The following ATP1B3 variants were observed in gnomAD, a reference collection of about 807,000 sequenced individuals.
ATP1B3 encodes the protein sodium/potassium-transporting ATPase subunit beta-3.
Under a neutral mutation model 30.2 loss-of-function variants are expected in ATP1B3, and 10 were observed. The ratio of observed to expected loss-of-function variants is 0.33; its 90% confidence interval spans 0.20 to 0.56. The LOEUF (loss-of-function observed/expected upper bound fraction) is 0.56, where lower values mean the gene tolerates loss of function less well. Ranked by LOEUF, ATP1B3 falls within the 20% of genes least tolerant of loss-of-function variation. The pLI, the probability that ATP1B3 is intolerant of heterozygous loss-of-function variation, is 0.90. For synonymous variants in ATP1B3, 113 were observed against 117.0 expected (o/e 0.97, Z 0.22); for missense variants, 238 against 336.7 (o/e 0.71, Z 2.29).
intron 5 of ATP1B3, among the ~76,000 whole-genome samples, chr3:141,920,743 T>C (rs1934551112): frequency 6.6e-6 from 1 of 152,200 alleles, no homozygotes; most frequent in Non-Finnish European, 1.5e-5. Flanking sequence ...TTTAAGCTTA[T>C]TTTTTAAGTT....
At chr3:141,891,213 T>C (rs1248050200) in intron 1 of ATP1B3, among the ~76,000 whole-genome samples, 9 of 152,218 alleles carry the variant, frequency 5.9e-5, no homozygotes, top group Admixed American at 5.9e-4. Flanking sequence ...CTGTGTATCA[T>C]CACACTATAT....
At chr3:141,878,223 T>G (rs1027934835) in intron 1 of ATP1B3, among the ~76,000 whole-genome samples, 3 of 152,234 alleles carry the variant, frequency 2.0e-5, no homozygotes, top group African/African-American at 7.2e-5. Flanking sequence ...CAGTTCTCCT[T>G]TAATCCTAGT....
chr3:141,916,140 C>A, intron 5 of ATP1B3, 120 bp downstream of exon 5: 2 of 785,730 alleles, frequency 2.5e-6, no homozygotes, highest in Non-Finnish European at 4.0e-6. Context: ...CTTTGTAGTG[C>A]CTTAGAATAA....
intron 5 of ATP1B3, chr3:141,916,468 C>T: frequency 1.1e-6 from 1 of 904,282 alleles, no homozygotes; most frequent in South Asian, 1.4e-5. Context: ...CTCCCCTATC[C>T]CTACTTACTT....
intron 3 of ATP1B3, 24 bp from the exon 4 acceptor site, chr3:141,913,628 C>T: frequency 1.3e-6 from 2 of 1,584,240 alleles, no homozygotes; most frequent in Non-Finnish European, 1.7e-6. Flanking sequence ...GCTGATCTAG[C>T]ACACATATAT....
chr3:141,893,200 G>C (rs1285798331), intron 1 of ATP1B3, among the ~76,000 whole-genome samples: 1 of 151,940 alleles, frequency 6.6e-6, no homozygotes, highest in Non-Finnish European at 1.5e-5. Flanking sequence ...GTAGAGACGG[G>C]GTTTCACCAT....
chr3:141,902,587 A>G (rs1473464698), intron 1 of ATP1B3, among the ~76,000 whole-genome samples: 1 of 152,254 alleles, frequency 6.6e-6, no homozygotes, highest in African/African-American at 2.4e-5. Context: ...TGAGAAAAAT[A>G]ATTGATTTTA....
chr3:141,904,825 T>C (rs1231739579), intron 2 of ATP1B3, among the ~76,000 whole-genome samples: 1 of 147,718 alleles, frequency 6.8e-6, no homozygotes, highest in East Asian at 2.2e-4. Flanking sequence ...TTCTCCTGCC[T>C]CAGCCTCCCA....
At position 141,897,865 on chromosome 3, in the gene ATP1B3, A is replaced by G. The variant is rs541862247; in HGVS notation, c.110-5755A>G. Among the ~76,000 whole-genome samples the G allele has an allele frequency of 1.5e-3, 236 of 152,296 alleles. 3 individuals carry two copies. Among genetic ancestry groups the G allele is most frequent in the African/African-American group, 5.4e-3 (226 of 41,568 alleles). ...GCTAGGATTACAGGTACATGCTACCATGCCCAGCTAATTTTTGTAATTTTA... is the reference window on the plus strand; with the variant it reads ...GCTAGGATTACAGGTACATGCTACCGTGCCCAGCTAATTTTTGTAATTTTA... On this transcript the variant is annotated intron_variant, in intron 1 of 6. Coordinates refer to ENST00000286371, the MANE Select transcript of ATP1B3 (RefSeq NM_001679.4).
At chr3:141,894,502 C>G (rs999472785) in intron 1 of ATP1B3, among the ~76,000 whole-genome samples, 1 of 152,182 alleles carries the variant, frequency 6.6e-6, no homozygotes, top group African/African-American at 2.4e-5. Flanking sequence ...AGCACAAACA[C>G]ATTGTACAGC....
chr3:141,881,078 C>T (rs1933714836), intron 1 of ATP1B3, among the ~76,000 whole-genome samples: 1 of 152,060 alleles, frequency 6.6e-6, no homozygotes, highest in South Asian at 2.1e-4. Context: ...TGGCGGGTGC[C>T]TGTAATCCCA....
intron 4 of ATP1B3, among the ~76,000 whole-genome samples, chr3:141,914,176 G>A (rs1356089546): frequency 6.6e-6 from 1 of 152,216 alleles, no homozygotes; most frequent in Non-Finnish European, 1.5e-5. Flanking sequence ...TTGTTAGGGT[G>A]CAGTGCTCAT....
Position 141,876,706 on chromosome 3 carries a change from C to G in ATP1B3, c.-96C>G. ...CGGCCGTCCCACCCTTCACTGCCGT[C>G]TCCGGGCTGCGCCGCCGGAGCCGGG... On this transcript the variant is annotated 5_prime_UTR_variant, in exon 1 of 7. Coordinates refer to ENST00000286371, the MANE Select transcript of ATP1B3 (RefSeq NM_001679.4). 2 of 904,426 alleles carry G rather than the reference C, an allele frequency of 2.2e-6. No homozygotes were observed. The highest frequency in any genetic ancestry group is 3.4e-6 in the Non-Finnish European group (2 of 587,334). 56.0% of individuals were successfully genotyped at this position (904,426 alleles called of 1,614,324 possible).
rs75176951 is a variant in ATP1B3 at position 141,921,720 on chromosome 3, C to T, written c.583-257C>T. On this transcript the variant is annotated intron_variant, in intron 5 of 6. Transcript: ENST00000286371. ...AGGAGTACATGAGTTAAAGAAGGGA[C>T]TCTCATGAAAGAGAGTATAGAGTGT... 161 of 220,730 alleles carry T rather than the reference C, an allele frequency of 7.3e-4. 1 individual carries two copies. The East Asian group carries it at 0.022, about 30-fold the overall frequency. The allele number at this position is 220,730 out of a possible 1,614,324, so 13.7% of individuals were successfully genotyped here.
At chr3:141,915,648 T>C (rs1576399727) in intron 4 of ATP1B3, among the ~76,000 whole-genome samples, 1 of 152,298 alleles carries the variant, frequency 6.6e-6, no homozygotes, top group East Asian at 1.9e-4. Context: ...TTTGTTCATA[T>C]AAATATTAAT....
At chr3:141,914,362 G>A (rs955895817) in intron 4 of ATP1B3, among the ~76,000 whole-genome samples, 3 of 152,180 alleles carry the variant, frequency 2.0e-5, no homozygotes, top group Admixed American at 2.0e-4. Context: ...GTGGGATGTT[G>A]CAGTTGTATC....
rs780353740 is a variant in ATP1B3 at position 141,913,645 on chromosome 3, T to C, written c.347-7T>C. The stretch of plus-strand genomic sequence containing the variant: ...TGATCTAGCACACATATATGTTTCC[T>C]TTTTAGCATATACTTTAGAAGAACA... On this transcript the variant is annotated splice_region_variant and splice_polypyrimidine_tract_variant and intron_variant, in intron 3 of 6. Transcript: ENST00000286371. The C allele has an allele frequency of 1.9e-6, 3 of 1,606,690 alleles. No homozygotes were observed. The Admixed American group carries it at 5.1e-5, about 27-fold the overall frequency.
intron 1 of ATP1B3, among the ~76,000 whole-genome samples, chr3:141,891,865 T>C (rs1933959898): frequency 6.6e-6 from 1 of 152,056 alleles, no homozygotes; most frequent in Non-Finnish European, 1.5e-5. Flanking sequence ...AATGTATTTA[T>C]TTTGAGATGT....
At chr3:141,887,499 C>T (rs2107765240) in intron 1 of ATP1B3, among the ~76,000 whole-genome samples, 1 of 152,292 alleles carries the variant, frequency 6.6e-6, no homozygotes, top group South Asian at 2.1e-4. Context: ...AAAGGTCCGG[C>T]AGTGTCTTAT....
Sources: gnomAD v4.1 joint callset for allele counts (sites outside exome capture counted in the v4.1 genomes callset) on GRCh38, gnomAD v4.1.1 for gene constraint, MANE v1.5 for transcripts, NCBI Gene and HGNC (gene_info 2026-07-23, HGNC 2026-07-21) for gene names.